Variants in AGMO observed in about 807,000 individuals in gnomAD.
AGMO encodes the protein glyceryl-ether monooxygenase.
AGMO carries 75 observed loss-of-function variants against 60.2 expected under a neutral mutation model. The observed-to-expected ratio is 1.25, with a 90% CI of 1.03 to 1.51. AGMO has a LOEUF of 1.51. AGMO is among the 40% of genes most tolerant of loss of function. The probability of loss-of-function intolerance (pLI) is 0.00; values close to 1 mark genes in which losing one functional copy is unlikely to be tolerated. For synonymous variants in AGMO, 261 were observed against 177.1 expected, an observed-to-expected ratio of 1.47 and a Z score of -3.76; for missense variants, 763 against 525.5, an observed-to-expected ratio of 1.45 and a Z score of -4.42.
intron 5 of AGMO, among the ~76,000 whole-genome samples, chr7:15,416,269 G>C (rs1780766741): frequency 6.6e-6 from 1 of 151,970 alleles, no homozygotes; most frequent in African/African-American, 2.4e-5. Flanking sequence ...CCTGACCTCA[G>C]GTGATCTGCC....
At chr7:15,247,925 A>G (rs896622342) in intron 12 of AGMO, among the ~76,000 whole-genome samples, 23 of 151,782 alleles carry the variant, frequency 1.5e-4, no homozygotes, top group African/African-American at 5.1e-4. Context: ...ATGAATGCCT[A>G]TATTAGTCAG....
chr7:15,422,343 A>G (rs751240420), intron 4 of AGMO, among the ~76,000 whole-genome samples: 11 of 152,180 alleles, frequency 7.2e-5, no homozygotes, highest in Admixed American at 1.3e-4. Flanking sequence ...GTTGAAAGGA[A>G]GAGGGAAAAT....
intron 3 of AGMO, among the ~76,000 whole-genome samples, chr7:15,459,847 C>T (rs1386849199): frequency 1.3e-5 from 2 of 151,746 alleles, no homozygotes; most frequent in African/African-American, 4.8e-5. Flanking sequence ...AGATAGAGGT[C>T]GCCTCATTAA....
chr7:15,501,008 A>C (rs1332695234), intron 3 of AGMO, among the ~76,000 whole-genome samples: 1 of 152,024 alleles, frequency 6.6e-6, no homozygotes, highest in Non-Finnish European at 1.5e-5. Flanking sequence ...CAATTTTCTT[A>C]GTATTATTTC....
At chr7:15,317,826 A>G (rs1296919049) in intron 12 of AGMO, among the ~76,000 whole-genome samples, 4 of 149,350 alleles carry the variant, frequency 2.7e-5, no homozygotes, top group African/African-American at 9.8e-5. Context: ...AGATATTGAA[A>G]GGTTTATATT....
At chr7:15,131,971 G>A in the AGMO span, among the ~76,000 whole-genome samples, 1 of 152,054 alleles carries the variant, frequency 6.6e-6, no homozygotes, top group East Asian at 1.9e-4. Flanking sequence ...CTGCCTCCAA[G>A]CTCCTGCTGG....
chr7:15,156,006 G>A, the AGMO span, among the ~76,000 whole-genome samples: 1 of 152,174 alleles, frequency 6.6e-6, no homozygotes. Flanking sequence ...CACCTGCTGT[G>A]CTAGAGGGGT....
At chr7:15,188,154 C>T in the AGMO span, among the ~76,000 whole-genome samples, 2 of 152,268 alleles carry the variant, frequency 1.3e-5, no homozygotes, top group East Asian at 3.9e-4. Flanking sequence ...AGGGCGCAAA[C>T]TTCAATGGAT....
At chr7:15,453,535 A>G (rs1489721505) in intron 3 of AGMO, among the ~76,000 whole-genome samples, 1 of 152,254 alleles carries the variant, frequency 6.6e-6, no homozygotes, top group African/African-American at 2.4e-5. Flanking sequence ...AAAGCAATTC[A>G]TTCTAACACA....
intron 3 of AGMO, among the ~76,000 whole-genome samples, chr7:15,484,282 A>G (rs917387485): frequency 6.6e-6 from 1 of 152,232 alleles, no homozygotes; most frequent in Non-Finnish European, 1.5e-5. Context: ...AGCTATACTC[A>G]TTGAAAATAT....
intron 12 of AGMO, among the ~76,000 whole-genome samples, chr7:15,288,853 A>T (rs1308011244): frequency 8.8e-6 from 1 of 113,434 alleles, no homozygotes; most frequent in Non-Finnish European, 1.8e-5. Flanking sequence ...ATAAAAAATA[A>T]AAAAAAAAAA....
At chr7:15,393,461 T>G (rs922277407) in intron 6 of AGMO, among the ~76,000 whole-genome samples, 6 of 152,256 alleles carry the variant, frequency 3.9e-5, no homozygotes, top group African/African-American at 1.4e-4. Flanking sequence ...AATATAAGAT[T>G]TATCTATTCT....
chr7:15,348,393 A>G (rs1364429478), intron 12 of AGMO, among the ~76,000 whole-genome samples: 1 of 152,218 alleles, frequency 6.6e-6, no homozygotes, highest in African/African-American at 2.4e-5. Flanking sequence ...TTAGGCATCA[A>G]TAGGAAAAAA....
At chr7:15,241,446 T>C (rs1384792908) in intron 12 of AGMO, among the ~76,000 whole-genome samples, 22 of 107,184 alleles carry the variant, frequency 2.1e-4, no homozygotes, top group Non-Finnish European at 3.6e-4. Flanking sequence ...GGCGAAAGAG[T>C]GAGACTCCGT....
chr7:15,214,495 A>AT (rs1382327354), intron 12 of AGMO, among the ~76,000 whole-genome samples: 15 of 152,028 alleles, frequency 9.9e-5, no homozygotes, highest in African/African-American at 3.6e-4. Context: ...CTTTATGACA[A>AT]TTTTCTCACA....
At chr7:15,151,216 TTTTC>T in the AGMO span, among the ~76,000 whole-genome samples, 1 of 152,142 alleles carries the variant, frequency 6.6e-6, no homozygotes, top group East Asian at 1.9e-4. Flanking sequence ...CTTCTCTATT[TTTTC>T]TTTATTAATC....
intron 12 of AGMO, among the ~76,000 whole-genome samples, chr7:15,214,893 T>C (rs989591863): frequency 6.6e-6 from 1 of 152,082 alleles, no homozygotes; most frequent in Non-Finnish European, 1.5e-5. Context: ...AAAAGCTTAT[T>C]TTAAAGCAAT....
chr7:15,554,419 C>G (rs1322299759), intron 2 of AGMO, among the ~76,000 whole-genome samples: 1 of 151,884 alleles, frequency 6.6e-6, no homozygotes, highest in Non-Finnish European at 1.5e-5. Context: ...AATGTAAGAC[C>G]AGGAAAGTGA....
intron 2 of AGMO, among the ~76,000 whole-genome samples, chr7:15,552,885 G>A (rs1216297263): frequency 3.0e-4 from 45 of 149,708 alleles, no homozygotes; most frequent in African/African-American, 5.4e-4. Context: ...TGTTTATTGC[G>A]GCATTATTCA....
Sources: allele counts gnomAD v4.1 joint callset (sites outside exome capture counted in the v4.1 genomes callset), GRCh38; gene constraint gnomAD v4.1.1; transcripts MANE v1.5; gene names NCBI Gene and HGNC (gene_info 2026-07-23, HGNC 2026-07-21).